DST: variants seen among roughly 807,000 people sequenced by gnomAD.
DST encodes the protein bullous pemphigoid antigen.
A neutral mutation model predicts 875.2 loss-of-function variants in DST; 253 were observed. That is an observed-to-expected ratio of 0.29 (90% confidence interval 0.26 to 0.32). The LOEUF is 0.32. Ranked by LOEUF, DST falls within the 10% of genes least tolerant of loss-of-function variation. The probability of loss-of-function intolerance (pLI) is 1.00; values close to 1 mark genes in which losing one functional copy is unlikely to be tolerated. For missense variants in DST, 8,287 were observed against 9,111.6 expected, an observed-to-expected ratio of 0.91 and a Z score of 3.68; for synonymous variants, 3,124 against 3,197.1, an observed-to-expected ratio of 0.98 and a Z score of 0.77.
At chr6:56,513,221 G>C (rs1378386504) in intron 72 of DST, among the ~76,000 whole-genome samples, 1 of 140,520 alleles carries the variant, frequency 7.1e-6, no homozygotes, top group East Asian at 2.1e-4. Flanking sequence ...TTGGCAAGTA[G>C]TGAGAGGAGC....
chr6:56,759,809 G>A (rs2099613159), intron 4 of DST, among the ~76,000 whole-genome samples: 2 of 152,116 alleles, frequency 1.3e-5, no homozygotes, highest in Admixed American at 6.5e-5. Flanking sequence ...TCATTAAACA[G>A]CTACTCCCCA....
At chr6:56,619,444 T>C (rs778246040) in intron 36 of DST, 3 of 1,612,210 alleles carry the variant, frequency 1.9e-6, no homozygotes, top group Non-Finnish European at 1.7e-6. Flanking sequence ...ATTGTTCTTT[T>C]AGATGATCTG....
chr6:56,773,283 CT>C (rs968203374), intron 4 of DST, among the ~76,000 whole-genome samples: 6 of 151,564 alleles, frequency 4.0e-5, no homozygotes, highest in Non-Finnish European at 7.4e-5. Context: ...ATCTTTTATT[CT>C]TTTTTTTAGC....
chr6:56,678,602 A>T lies in DST; in HGVS notation c.1048-7795T>A, dbSNP rs2099142002. Among the ~76,000 whole-genome samples, 4 of 152,220 alleles carry T rather than the reference A, an allele frequency of 2.6e-5. No homozygotes were observed. The South Asian group carries it at 8.3e-4, about 32-fold the overall frequency. On this transcript the variant is annotated intron_variant, in intron 9 of 103. Transcript: ENST00000680361. ...ACAGGGTGGGCTGTGGGAGACCAGA[A>T]GATGCCATGTCAAAATAAAAGCTTG... is the stretch of plus-strand genomic sequence containing the variant.
At position 56,565,141 on chromosome 6, in the gene DST, G is replaced by T. The variant is rs188699901; in HGVS notation, c.14006-2941C>A. Among the ~76,000 whole-genome samples, 520 of 107,624 alleles carry T rather than the reference G, an allele frequency of 4.8e-3. 1 individual carries two copies. Among genetic ancestry groups the T allele is most frequent in the African/African-American group, 0.019 (472 of 25,450 alleles). 70.6% of individuals were successfully genotyped at this position (107,624 alleles called of 152,430 possible). A position where few individuals can be genotyped will look rare whatever the true frequency, so the allele number is the denominator to read the frequency against. On this transcript the variant is annotated intron_variant, in intron 55 of 103. Coordinates refer to ENST00000680361, the MANE Select transcript of DST (RefSeq NM_001374736.1). The stretch of plus-strand genomic sequence containing the variant: ...TTTTTTTTTCTTTTTTTTTTTTTGT[G>T]ACGGAGTATTGCTCTGTCACCCAGG...
chr6:56,489,359 A>C, intron 86 of DST, 131 bp downstream of exon 86: 1 of 841,884 alleles, frequency 1.2e-6, no homozygotes, highest in Non-Finnish European at 1.6e-6. Context: ...ATAGCTTTTA[A>C]ATTTAATACA....
chr6:56,620,213 A>G, intron 36 of DST: 2 of 1,613,448 alleles, frequency 1.2e-6, no homozygotes, highest in Non-Finnish European at 1.7e-6. Context: ...TAATTCTTCC[A>G]TTAATTTATT....
intron 102 of DST, among the ~76,000 whole-genome samples, chr6:56,462,416 A>T (rs535208703): frequency 5.3e-5 from 8 of 152,260 alleles, no homozygotes; most frequent in African/African-American, 1.9e-4. Context: ...AAAATCTTTA[A>T]AAAAAACCCA....
At chr6:56,928,785 C>T (rs1489780552) in intron 2 of DST, among the ~76,000 whole-genome samples, 4 of 151,772 alleles carry the variant, frequency 2.6e-5, no homozygotes, top group African/African-American at 9.7e-5. Context: ...ACAGAAACTA[C>T]AAACGGAAGA....
At chr6:56,907,381 G>A (rs1796880011) in intron 2 of DST, among the ~76,000 whole-genome samples, 1 of 152,204 alleles carries the variant, frequency 6.6e-6, no homozygotes, top group Non-Finnish European at 1.5e-5. Context: ...CAACCAGGCT[G>A]TTTGGTTGTG....
intron 9 of DST, among the ~76,000 whole-genome samples, chr6:56,696,499 C>T (rs575795802): frequency 6.6e-6 from 1 of 152,220 alleles, no homozygotes; most frequent in African/African-American, 2.4e-5. Context: ...ACTAGTCTTC[C>T]TCTCTCCTCC....
chr6:56,554,064 C>T (rs1340499418), intron 60 of DST, among the ~76,000 whole-genome samples: 7 of 138,778 alleles, frequency 5.0e-5, no homozygotes, highest in African/African-American at 1.3e-4. Flanking sequence ...GACTTTTTCG[C>T]GTCTATGACT....
Position 56,552,575 on chromosome 6 carries a change from T to C in DST, c.16217A>G (p.Asp5406Gly), listed in dbSNP as rs2152555225. Residue 5406 changes from aspartate to glycine, a missense_variant, in exon 61 of 104, where the codon GAT becomes GGT. Transcript: ENST00000680361. The stretch of plus-strand genomic sequence containing the variant: ...ATCTCTCCCCACTGGAGCCATGCTA[T>C]CCAGTTCATCATCAAACTCTGCGAA... ...SQFAEFDDEL[D>G]SMAPVGRDAE... 1 of 1,614,052 alleles carries C rather than the reference T, an allele frequency of 6.2e-7. No homozygotes were observed. The highest frequency in any genetic ancestry group is 2.2e-5 in the East Asian group (1 of 44,888).
intron 49 of DST, among the ~76,000 whole-genome samples, chr6:56,584,392 T>C (rs1418030346): frequency 3.3e-5 from 5 of 152,098 alleles, no homozygotes; most frequent in Non-Finnish European, 7.3e-5. Flanking sequence ...TGGCTCTCTG[T>C]TTGTCTGTTA....
chr6:56,606,967 A>G lies in DST; in HGVS notation c.7661T>C (p.Ile2554Thr), dbSNP rs769271600. 2.5e-6 allele frequency: 4 copies of G among 1,613,466 alleles called. No individual in the cohort carries two copies. The South Asian group carries it at 3.3e-5, about 13-fold the overall frequency. ...AGTCACAGCACAGGAATACTCTTCT[A>G]TTTCAGACTCATCTTCCTTGTCTTC... is the stretch of plus-strand genomic sequence containing the variant. ...MPEDKEDESE[I>T]EEYSCAVTPG... The change falls in exon 40 of 104, where the codon ATA becomes ACA. Residue 2554 changes from isoleucine (I) to threonine (T), a missense_variant. This residue lies in a region of DST where 3,138 missense variants were observed against 3,116.6 expected (regional missense o/e 1.01). Coordinates refer to ENST00000680361, the MANE Select transcript of DST (RefSeq NM_001374736.1).
intron 55 of DST, 98 bp downstream of exon 55, chr6:56,568,371 G>A (rs2097718984): frequency 1.4e-5 from 18 of 1,295,698 alleles, no homozygotes; most frequent in Non-Finnish European, 1.9e-5. Flanking sequence ...GTATTTCTGA[G>A]GTTATTTTAT....
Position 56,470,781 on chromosome 6 carries a change from AACACACACACACACAC to A in DST, c.22321+309_22321+324del, listed in dbSNP as rs67009040. ...ACTTCCTATTACACATATGCCAGGCAACACACACACACACACACACACACACACACACACACACACA... is the reference window on the plus strand; with the variant it reads ...ACTTCCTATTACACATATGCCAGGCAACACACACACACACACACACACACA... On this transcript the variant is annotated intron_variant, in intron 95 of 103. Coordinates refer to ENST00000680361, the MANE Select transcript of DST (RefSeq NM_001374736.1). 7.8e-5 allele frequency among the ~76,000 whole-genome samples: 11 copies of A among 141,540 alleles called. No homozygotes were observed. In the South Asian group the frequency reaches 1.4e-3, roughly 18 times the overall value. 92.9% of individuals were successfully genotyped at this position (141,540 alleles called of 152,430 possible).
In DST at chr6:56,626,733, T is replaced by C. The variant is rs150331164; in HGVS notation, c.4722+471A>G. Among the ~76,000 whole-genome samples, 106 of 152,194 alleles carry C rather than the reference T, an allele frequency of 7.0e-4. No homozygotes were observed. The East Asian group carries it at 0.017, about 24-fold the overall frequency. On this transcript the variant is annotated intron_variant, in intron 34 of 103. Transcript: ENST00000680361. ...GTGGTCGGGTAATTTCCAAGTCTGTTTAGAAGCTCATGAAAATATATGTAA... is the reference window on the plus strand; with the variant it reads ...GTGGTCGGGTAATTTCCAAGTCTGTCTAGAAGCTCATGAAAATATATGTAA...
At chr6:56,816,864 A>T (rs995214210) in intron 4 of DST, among the ~76,000 whole-genome samples, 1 of 150,936 alleles carries the variant, frequency 6.6e-6, no homozygotes, top group Non-Finnish European at 1.5e-5. Flanking sequence ...TTCCTACCAT[A>T]TATAAAGTAC....
Sources: allele counts gnomAD v4.1 joint callset (sites outside exome capture counted in the v4.1 genomes callset), GRCh38; gene constraint gnomAD v4.1.1; regional missense constraint gnomAD v4.1.1; transcripts MANE v1.5; gene names NCBI Gene and HGNC (gene_info 2026-07-23, HGNC 2026-07-21).